PLCB1: variants seen among roughly 807,000 people sequenced by gnomAD.
The protein encoded by PLCB1 is 1-phosphatidylinositol 4,5-bisphosphate phosphodiesterase beta-1.
Under a neutral mutation model 161.8 loss-of-function variants are expected in PLCB1, and 46 were observed. The ratio of observed to expected loss-of-function variants is 0.28; its 90% CI spans 0.22 to 0.36. PLCB1 has a LOEUF of 0.36. PLCB1 is among the 10% of genes least tolerant of loss of function. The pLI, the probability that PLCB1 is intolerant of heterozygous loss-of-function variation, is 1.00. For synonymous variants in PLCB1, 517 were observed against 503.7 expected (o/e 1.03, Z -0.35); for missense variants, 1,016 against 1,472.5 (o/e 0.69, Z 5.07).
rs528347213 is a variant in PLCB1, at chr20:8,580,019, G to A, written c.247-48275G>A. 1.7e-4 allele frequency among the ~76,000 whole-genome samples: 26 copies of A among 152,272 alleles called. 1 individual carries two copies. The South Asian group carries it at 5.4e-3, about 32-fold the overall frequency. ...TCTCTATTGTCTGGTACCTGGCCCT[G>A]GGTGATGGAGCAGTAGAATATTGGC... On this transcript the variant is annotated intron_variant, in intron 3 of 31. Coordinates refer to ENST00000338037, the MANE Select transcript of PLCB1 (RefSeq NM_015192.4).
chr20:8,659,156 A>G (rs1989554055), intron 9 of PLCB1, among the ~76,000 whole-genome samples: 1 of 152,044 alleles, frequency 6.6e-6, no homozygotes, highest in Non-Finnish European at 1.5e-5. Flanking sequence ...TATCTGATAA[A>G]TTTTTCTACT....
At chr20:8,706,626 A>T (rs756460346) in intron 11 of PLCB1, among the ~76,000 whole-genome samples, 1 of 152,128 alleles carries the variant, frequency 6.6e-6, no homozygotes. Flanking sequence ...GATGACCTCT[A>T]TTCTCAGTTC....
intron 10 of PLCB1, 120 bp from the exon 11 acceptor site, chr20:8,697,506 A>G: frequency 1.0e-6 from 1 of 978,056 alleles, no homozygotes; most frequent in East Asian, 2.4e-5. Context: ...AAAGGCAAAG[A>G]ATAACTGCTG....
intron 9 of PLCB1, among the ~76,000 whole-genome samples, chr20:8,672,913 A>T (rs1989985121): frequency 6.6e-6 from 1 of 151,986 alleles, no homozygotes. Flanking sequence ...GGAGTTCAAG[A>T]TCAGCCTGGC....
chr20:8,329,772 A>T (rs554183766), intron 2 of PLCB1, among the ~76,000 whole-genome samples: 1 of 152,156 alleles, frequency 6.6e-6, no homozygotes, highest in Non-Finnish European at 1.5e-5. Context: ...TTTGCTTCAG[A>T]GTCCACCTAT....
intron 2 of PLCB1, among the ~76,000 whole-genome samples, chr20:8,353,620 G>A (rs184899241): frequency 1.3e-4 from 20 of 152,098 alleles, no homozygotes; most frequent in African/African-American, 3.6e-4. Context: ...TCTCTCTCCC[G>A]AAACCCACAA....
chr20:8,190,296 A>G (rs189008752), intron 2 of PLCB1, among the ~76,000 whole-genome samples: 65 of 152,248 alleles, frequency 4.3e-4, no homozygotes, highest in African/African-American at 1.6e-3. Context: ...AAATTCTCGG[A>G]TAAGTAGTTT....
chr20:8,183,611 A>G (rs1006917678), intron 2 of PLCB1, among the ~76,000 whole-genome samples: 7 of 152,218 alleles, frequency 4.6e-5, no homozygotes, highest in African/African-American at 1.7e-4. Flanking sequence ...GTTTAGTTTT[A>G]TAAGTGTGGC....
At chr20:8,731,453 C>G (rs1980240877) in intron 18 of PLCB1, among the ~76,000 whole-genome samples, 1 of 151,920 alleles carries the variant, frequency 6.6e-6, no homozygotes, top group African/African-American at 2.4e-5. Flanking sequence ...GGGCATCTTT[C>G]TCTTCATCCT....
chr20:8,801,500 G>C (rs1984278725), intron 31 of PLCB1, among the ~76,000 whole-genome samples: 1 of 152,146 alleles, frequency 6.6e-6, no homozygotes, highest in Non-Finnish European at 1.5e-5. Flanking sequence ...GGCTTTGTCT[G>C]TTTCGTTCCC....
intron 31 of PLCB1, among the ~76,000 whole-genome samples, chr20:8,880,163 T>TG (rs1987922461): frequency 6.6e-6 from 1 of 151,940 alleles, no homozygotes; most frequent in Non-Finnish European, 1.5e-5. Flanking sequence ...AATAAGGAGG[T>TG]GTGGGGGAAG....
chr20:8,764,978 A>G (rs1982238692), intron 25 of PLCB1, among the ~76,000 whole-genome samples, 161 bp from the exon 26 acceptor site: 1 of 152,222 alleles, frequency 6.6e-6, no homozygotes, highest in Non-Finnish European at 1.5e-5. Context: ...TTAGCAAGTG[A>G]TAGAGCCAGA....
At position 8,805,776 on chromosome 20, in the gene PLCB1, C is replaced by T. The variant is rs1984506451; in HGVS notation, c.3423+15515C>T. Among the ~76,000 whole-genome samples the T allele has an allele frequency of 2.0e-5, 3 of 152,162 alleles. No individual in the cohort carries two copies. The South Asian group carries it at 6.2e-4, about 32-fold the overall frequency. ...CAGCTTTCTAAGTATATGTCTGAAG[C>T]TAAGATTTTATGATCTAGATGTCAA... On this transcript the variant is annotated intron_variant, in intron 31 of 31. Coordinates refer to ENST00000338037, the MANE Select transcript of PLCB1 (RefSeq NM_015192.4).
At chr20:8,734,899 T>C (rs967764742) in intron 19 of PLCB1, among the ~76,000 whole-genome samples, 4 of 152,216 alleles carry the variant, frequency 2.6e-5, no homozygotes, top group African/African-American at 9.6e-5. Context: ...CTAATTTCTT[T>C]CTACCCTAAG....
chr20:8,338,426 G>C (rs1210097021), intron 2 of PLCB1, among the ~76,000 whole-genome samples: 1 of 152,112 alleles, frequency 6.6e-6, no homozygotes, highest in East Asian at 1.9e-4. Flanking sequence ...CTGGTACCAA[G>C]ATAATTGTTA....
chr20:8,326,953 A>T (rs1319525032), intron 2 of PLCB1, among the ~76,000 whole-genome samples: 2 of 152,204 alleles, frequency 1.3e-5, no homozygotes, highest in Non-Finnish European at 2.9e-5. Flanking sequence ...TGGCACAATC[A>T]TGATTCACTG....
intron 11 of PLCB1, among the ~76,000 whole-genome samples, chr20:8,699,106 C>A (rs1235179396): frequency 6.6e-6 from 1 of 152,132 alleles, no homozygotes; most frequent in South Asian, 2.1e-4. Context: ...CCGCTGACTC[C>A]GGCTTTCTCA....
chr20:8,777,311 C>T (rs535148061), intron 27 of PLCB1, among the ~76,000 whole-genome samples: 1 of 152,172 alleles, frequency 6.6e-6, no homozygotes, highest in South Asian at 2.1e-4. Context: ...GAAGTGGTCT[C>T]CTAGGAAGAA....
intron 3 of PLCB1, among the ~76,000 whole-genome samples, chr20:8,390,164 A>G (rs2045312278): frequency 6.6e-6 from 1 of 152,158 alleles, no homozygotes; most frequent in Non-Finnish European, 1.5e-5. Context: ...TAAAGCTTAA[A>G]CAACAGAAGT....
Sources: allele counts gnomAD v4.1 joint callset (sites outside exome capture counted in the v4.1 genomes callset), GRCh38; gene constraint gnomAD v4.1.1; transcripts MANE v1.5; gene names NCBI Gene and HGNC (gene_info 2026-07-23, HGNC 2026-07-21).